CDKAL1: variants seen among roughly 807,000 people sequenced by gnomAD.
The protein encoded by CDKAL1 is threonylcarbamoyladenosine tRNA methylthiotransferase.
In CDKAL1, 32 loss-of-function variants were observed where a neutral mutation model predicts 68.2. The ratio of observed to expected loss-of-function variants is 0.47; its 90% CI spans 0.35 to 0.63. The LOEUF (loss-of-function observed/expected upper bound fraction) is 0.63, where lower values mean the gene tolerates loss of function less well. CDKAL1 is among the 30% of genes least tolerant of loss of function. The pLI, the probability that CDKAL1 is intolerant of heterozygous loss-of-function variation, is 0.00. For missense variants in CDKAL1, 606 were observed against 696.7 expected, an observed-to-expected ratio of 0.87 and a Z score of 1.47; for synonymous variants, 234 against 244.3, an observed-to-expected ratio of 0.96 and a Z score of 0.39.
intron 13 of CDKAL1, among the ~76,000 whole-genome samples, chr6:21,118,853 G>A (rs954450408): frequency 3.3e-5 from 5 of 152,196 alleles, no homozygotes; most frequent in Admixed American, 3.3e-4. Flanking sequence ...AGACACATGG[G>A]TAAGAAAGGA....
chr6:20,637,744 C>T (rs1014475873), intron 4 of CDKAL1, among the ~76,000 whole-genome samples: 2 of 152,192 alleles, frequency 1.3e-5, no homozygotes, highest in East Asian at 1.9e-4. Context: ...ACTCCCTTCT[C>T]CCAGCCCCAG....
intron 5 of CDKAL1, among the ~76,000 whole-genome samples, chr6:20,676,666 TAAATAAATAAA>T (rs1770121083): frequency 1.9e-4 from 2 of 10,432 alleles, no homozygotes; most frequent in South Asian, 3.4e-3. Flanking sequence ...GACTCTGTCT[TAAATAAATAAA>T]TAAATAAATA....
intron 9 of CDKAL1, among the ~76,000 whole-genome samples, chr6:20,921,185 C>T (rs1472703820): frequency 6.6e-6 from 1 of 152,174 alleles, no homozygotes; most frequent in Non-Finnish European, 1.5e-5. Context: ...AATCTCAGCA[C>T]TTTGGGAGGC....
At chr6:21,104,088 A>T (rs1773724039) in intron 12 of CDKAL1, among the ~76,000 whole-genome samples, 1 of 152,194 alleles carries the variant, frequency 6.6e-6, no homozygotes, top group African/African-American at 2.4e-5. Context: ...GCTAGAACTT[A>T]GTAAAGGATT....
intron 13 of CDKAL1, among the ~76,000 whole-genome samples, chr6:21,185,350 A>G (rs1777966816): frequency 6.6e-6 from 1 of 152,172 alleles, no homozygotes; most frequent in Non-Finnish European, 1.5e-5. Flanking sequence ...CTTCCCATTC[A>G]ATCCTTCCAC....
intron 5 of CDKAL1, among the ~76,000 whole-genome samples, chr6:20,701,621 C>G (rs1053185072): frequency 6.6e-6 from 1 of 152,110 alleles, no homozygotes; most frequent in Non-Finnish European, 1.5e-5. Context: ...TCTTCTGCCC[C>G]CTCCCACTCT....
intron 5 of CDKAL1, among the ~76,000 whole-genome samples, chr6:20,671,976 G>A (rs1769838979): frequency 6.6e-6 from 1 of 152,130 alleles, no homozygotes; most frequent in African/African-American, 2.4e-5. Flanking sequence ...TTGTCAAAAC[G>A]AATTTCCAAA....
At chr6:20,637,183 G>A (rs551212478) in intron 4 of CDKAL1, among the ~76,000 whole-genome samples, 8 of 152,204 alleles carry the variant, frequency 5.3e-5, no homozygotes, top group Non-Finnish European at 7.3e-5. Context: ...AAAATGAAGT[G>A]GTAGATGAGT....
At chr6:21,016,279 T>G (rs1456936604) in intron 11 of CDKAL1, among the ~76,000 whole-genome samples, 1 of 152,010 alleles carries the variant, frequency 6.6e-6, no homozygotes, top group African/African-American at 2.4e-5. Context: ...TGAAGTTAGG[T>G]AGAAGAATTG....
chr6:20,889,423 G>A lies in CDKAL1; in HGVS notation c.742+43245G>A, dbSNP rs559027989. Among the ~76,000 whole-genome samples, 9 of 152,226 alleles carry A rather than the reference G, an allele frequency of 5.9e-5. No homozygotes were observed. In the South Asian group the frequency reaches 1.9e-3, roughly 32 times the overall value. On this transcript the variant is annotated intron_variant, in intron 9 of 15. Transcript: ENST00000274695. Reference sequence around the variant, plus strand: ...GGCTTTTGTTGCCATTGCTTTTGGTGTTTTAGACATGAAGTCCTTGCCCAT... The same window carrying A: ...GGCTTTTGTTGCCATTGCTTTTGGTATTTTAGACATGAAGTCCTTGCCCAT...
chr6:20,751,271 G>A (rs930919729), intron 6 of CDKAL1, among the ~76,000 whole-genome samples: 8 of 152,026 alleles, frequency 5.3e-5, no homozygotes, highest in Non-Finnish European at 1.2e-4. Context: ...TGGCAAAATT[G>A]TGTTTGAGAT....
intron 13 of CDKAL1, among the ~76,000 whole-genome samples, chr6:21,131,102 C>T (rs185308226): frequency 2.8e-4 from 43 of 152,246 alleles, no homozygotes; most frequent in Admixed American, 2.4e-3. Context: ...GGCAATATTA[C>T]GTATATGTCT....
intron 13 of CDKAL1, among the ~76,000 whole-genome samples, chr6:21,109,957 A>AT (rs2150993691): frequency 6.6e-6 from 1 of 152,340 alleles, no homozygotes; most frequent in African/African-American, 2.4e-5. Flanking sequence ...GAACCTAGCC[A>AT]TTTGCAGCTT....
At chr6:21,021,862 C>T (rs1768686825) in intron 11 of CDKAL1, among the ~76,000 whole-genome samples, 1 of 152,198 alleles carries the variant, frequency 6.6e-6, no homozygotes, top group Admixed American at 6.5e-5. Flanking sequence ...TTTCCTGGGA[C>T]ACCTTATGGT....
intron 7 of CDKAL1, among the ~76,000 whole-genome samples, chr6:20,768,067 A>C (rs1160602743): frequency 6.6e-6 from 1 of 152,180 alleles, no homozygotes; most frequent in Admixed American, 6.5e-5. Flanking sequence ...TCTAACATTA[A>C]ATCTTTATTG....
intron 7 of CDKAL1, among the ~76,000 whole-genome samples, chr6:20,778,984 C>T (rs1217278048): frequency 6.6e-6 from 1 of 152,056 alleles, no homozygotes; most frequent in Non-Finnish European, 1.5e-5. Context: ...TAAAATTAAT[C>T]GTCATAACAT....
At chr6:21,063,098 A>G (rs1179703450) in intron 11 of CDKAL1, among the ~76,000 whole-genome samples, 1 of 152,090 alleles carries the variant, frequency 6.6e-6, no homozygotes, top group Non-Finnish European at 1.5e-5. Flanking sequence ...TATTTTTAGT[A>G]GAGACAGGGT....
At chr6:21,027,130 C>T (rs1005709929) in intron 11 of CDKAL1, among the ~76,000 whole-genome samples, 17 of 152,182 alleles carry the variant, frequency 1.1e-4, no homozygotes, top group African/African-American at 3.9e-4. Flanking sequence ...CCCGCCCTAC[C>T]TCCAGATTGC....
chr6:21,129,682 C>CAAAAAAAAAA (rs34802727), intron 13 of CDKAL1, among the ~76,000 whole-genome samples: 29 of 68,920 alleles, frequency 4.2e-4, no homozygotes, highest in Non-Finnish European at 4.7e-4. Flanking sequence ...TGCAGTTTAC[C>CAAAAAAAAAA]AAAAAAAAAA....
Sources: allele counts gnomAD v4.1 joint callset (sites outside exome capture counted in the v4.1 genomes callset), GRCh38; gene constraint gnomAD v4.1.1; transcripts MANE v1.5; gene names NCBI Gene and HGNC (gene_info 2026-07-23, HGNC 2026-07-21).